Variants in SEMA3F observed in about 807,000 individuals in gnomAD.
SEMA3F encodes the protein semaphorin-3F.
SEMA3F carries 30 observed loss-of-function variants against 98.5 expected under a neutral mutation model. That is an observed-to-expected ratio of 0.30 (90% CI 0.23 to 0.41). The LOEUF is 0.41. Among genes scored for constraint, SEMA3F ranks in the 10% least tolerant of loss-of-function variants. The pLI, the probability that SEMA3F is intolerant of heterozygous loss-of-function variation, is 1.00. For synonymous variants in SEMA3F, 380 were observed against 444.8 expected (o/e 0.85, Z 1.83); for missense variants, 866 against 1,119.3 (o/e 0.77, Z 3.23).
intron 2 of SEMA3F, among the ~76,000 whole-genome samples, chr3:50,171,191 AGG>A (rs1339277792): frequency 1.3e-5 from 2 of 152,128 alleles, no homozygotes; most frequent in Non-Finnish European, 2.9e-5. Context: ...GCAGGCAGAG[AGG>A]GTCGAGGCCA....
At chr3:50,174,394 C>T in intron 5 of SEMA3F, 44 bp downstream of exon 5, 1 of 1,581,676 alleles carries the variant, frequency 6.3e-7, no homozygotes. Context: ...CCGCTGGTGG[C>T]TGCATCCCAG....
At chr3:50,162,526 A>G (rs1698247176) in intron 2 of SEMA3F, among the ~76,000 whole-genome samples, 1 of 152,132 alleles carries the variant, frequency 6.6e-6, no homozygotes, top group African/African-American at 2.4e-5. Context: ...TCCTTCACCC[A>G]TCCATGCCTG....
At chr3:50,172,319 C>A (rs975517914) in intron 2 of SEMA3F, among the ~76,000 whole-genome samples, 1 of 152,134 alleles carries the variant, frequency 6.6e-6, no homozygotes, top group African/African-American at 2.4e-5. Context: ...ATTCATCATC[C>A]TCATTACAGT....
rs1022627164 is a variant in SEMA3F at position 50,158,736 on chromosome 3, G to A, written c.-48-839G>A. ...GCAATATGTTCTGACAACTGGTGCTGGGCTGCGTTTACCCAACAGCCAGCC... is the reference window on the plus strand; with the variant it reads ...GCAATATGTTCTGACAACTGGTGCTAGGCTGCGTTTACCCAACAGCCAGCC... On this transcript the variant is annotated intron_variant, in intron 1 of 18. Coordinates refer to ENST00000002829, the MANE Select transcript of SEMA3F (RefSeq NM_004186.5). The surrounding 1 kb of genome is among the most constrained non-coding windows in gnomAD (Gnocchi z 4.8). 6.6e-6 allele frequency among the ~76,000 whole-genome samples: 1 copy of A among 152,218 alleles called. No homozygotes were observed. Among genetic ancestry groups the A allele is most frequent in the Non-Finnish European group, 1.5e-5 (1 of 68,034 alleles).
chr3:50,172,855 C>T (rs1256915063), intron 2 of SEMA3F, among the ~76,000 whole-genome samples: 1 of 152,130 alleles, frequency 6.6e-6, no homozygotes, highest in East Asian at 1.9e-4. Context: ...CCAGAGTCTG[C>T]CGGCTGTCCC....
At position 50,182,604 on chromosome 3, in the gene SEMA3F, CAG is replaced by C; in HGVS notation, c.764-37_764-36del. 6.2e-7 allele frequency: 1 copy of C among 1,601,080 alleles called. No homozygotes were observed. Among genetic ancestry groups the C allele is most frequent in the African/African-American group, 1.3e-5 (1 of 74,846 alleles). On this transcript the variant is annotated intron_variant, in intron 8 of 18. Transcript: ENST00000002829. This position sits in a 1 kb window ranked among gnomAD's most constrained non-coding sequence, Gnocchi z 4.5. ...TGTTGGAGAACATCAGGGGCACCATCAGAGTAGGGGCTCACCCAGCTGACCCC... is the reference window on the plus strand; with the variant it reads ...TGTTGGAGAACATCAGGGGCACCATCAGTAGGGGCTCACCCAGCTGACCCC...
intron 2 of SEMA3F, among the ~76,000 whole-genome samples, chr3:50,172,393 C>T (rs1410029033): frequency 6.6e-6 from 1 of 152,014 alleles, no homozygotes; most frequent in Admixed American, 6.5e-5. Context: ...GCCAAGGGGA[C>T]CCCTCGGCTC....
intron 2 of SEMA3F, among the ~76,000 whole-genome samples, chr3:50,167,023 C>T (rs1698431215): frequency 6.6e-6 from 1 of 152,170 alleles, no homozygotes; most frequent in Non-Finnish European, 1.5e-5. Flanking sequence ...TCCCCTCTTT[C>T]CATCCCCTTC....
Position 50,182,356 on chromosome 3 carries a change from A to G in SEMA3F, c.716A>G (p.Lys239Arg). ...TDAAIFRTLG[K>R]QTAMRTDQYN... The stretch of plus-strand genomic sequence containing the variant: ...GCAGCCATCTTCCGCACACTTGGAA[A>G]GCAGACAGCCATGCGCACGGATCAG... The change falls in exon 8 of 19, where the codon AAG (lysine) becomes AGG (arginine). Residue 239 changes from lysine to arginine, a missense_variant. Coordinates refer to ENST00000002829, the MANE Select transcript of SEMA3F (RefSeq NM_004186.5). This position sits in a 1 kb window ranked among gnomAD's most constrained non-coding sequence, Gnocchi z 4.5. 1 of 1,614,100 alleles carries G rather than the reference A, an allele frequency of 6.2e-7. No individual in the cohort carries two copies. Among genetic ancestry groups the G allele is most frequent in the South Asian group, 1.1e-5 (1 of 91,090 alleles).
chr3:50,188,012 A>G lies in SEMA3F; in HGVS notation c.2255A>G (p.His752Arg). Residue 752 changes from histidine to arginine, a missense_variant, in exon 19 of 19, where the codon CAT (histidine) becomes CGT (arginine). Transcript: ENST00000002829. This position sits in a 1 kb window ranked among gnomAD's most constrained non-coding sequence, Gnocchi z 4.5. The stretch of plus-strand genomic sequence containing the variant: ...CAGTACTGCCAGGGTTACTGGCGCC[A>G]TGTGCCCCCCAGCCCCAGGGAGGCT... ...IHQYCQGYWR[H>R]VPPSPREAPG... The G allele has an allele frequency of 6.2e-7, 1 of 1,602,672 alleles. No homozygotes were observed. Among genetic ancestry groups the G allele is most frequent in the Non-Finnish European group, 8.5e-7 (1 of 1,175,740 alleles).
In SEMA3F at chr3:50,161,264, TC is replaced by T. The variant is rs909092219; in HGVS notation, c.112+1532del. On this transcript the variant is annotated intron_variant, in intron 2 of 18. Coordinates refer to ENST00000002829, the MANE Select transcript of SEMA3F (RefSeq NM_004186.5). ...GGAGGGGCAAAACAGAGAGGGGTCT[TC>T]CGTGTGCTCCTTCTAAGCCTCCCTG... Among the ~76,000 whole-genome samples, 13 of 152,298 alleles carry T rather than the reference TC, an allele frequency of 8.5e-5. No homozygotes were observed. The South Asian group carries it at 1.9e-3, about 22-fold the overall frequency.
At chr3:50,171,382 G>T (rs1316680764) in intron 2 of SEMA3F, among the ~76,000 whole-genome samples, 1 of 152,154 alleles carries the variant, frequency 6.6e-6, no homozygotes, top group African/African-American at 2.4e-5. Context: ...GAGGCCCAAG[G>T]CTGCGCAGGG....
At chr3:50,184,233 G>A in intron 12 of SEMA3F, 1 of 305,176 alleles carries the variant, frequency 3.3e-6, no homozygotes, top group Non-Finnish European at 6.2e-6. Flanking sequence ...GGACGTCGGG[G>A]CCTGCAGTCC....
At chr3:50,185,388 G>C in intron 13 of SEMA3F, 55 bp from the exon 14 acceptor site, 1 of 1,495,192 alleles carries the variant, frequency 6.7e-7, no homozygotes, top group Non-Finnish European at 9.2e-7. Context: ...GCTGAGGCTG[G>C]TACCCCTTCC....
chr3:50,185,557 A>T, intron 14 of SEMA3F, 26 bp downstream of exon 14: 1 of 1,611,850 alleles, frequency 6.2e-7, no homozygotes, highest in Non-Finnish European at 8.5e-7. Context: ...CCCAGTCCTG[A>T]CCTCCCCACC....
At chr3:50,173,634 T>C (rs192785420) in intron 2 of SEMA3F, among the ~76,000 whole-genome samples, 159 bp from the exon 3 acceptor site, 1 of 152,152 alleles carries the variant, frequency 6.6e-6, no homozygotes, top group East Asian at 1.9e-4. Context: ...AGAGTGAGAC[T>C]TGATCTCGTA....
At chr3:50,170,986 C>T (rs1027539893) in intron 2 of SEMA3F, among the ~76,000 whole-genome samples, 1 of 152,108 alleles carries the variant, frequency 6.6e-6, no homozygotes, top group Non-Finnish European at 1.5e-5. Flanking sequence ...GACTGGCTTC[C>T]CCTGGGCCTC....
rs777065974 is a variant in SEMA3F at position 50,187,729 on chromosome 3, C to T, written c.1972C>T (p.Arg658Cys). The T allele has an allele frequency of 1.2e-5, 19 of 1,601,248 alleles. No homozygotes were observed. The highest frequency in any genetic ancestry group is 6.7e-5 in the East Asian group (3 of 44,550). The stretch of plus-strand genomic sequence containing the variant: ...GATTCGTGCAGAGGACCGCTTCCTG[C>T]GCACAGAGCAGGGCTTGTTGCTCCG... ...REIRAEDRFL[R>C]TEQGLLLRAL... Residue 658 changes from arginine (R) to cysteine (C), a missense_variant, in exon 19 of 19, where the codon CGC (arginine) becomes TGC (cysteine). Coordinates refer to ENST00000002829, the MANE Select transcript of SEMA3F (RefSeq NM_004186.5).
Position 50,174,356 on chromosome 3 carries a change from C to T in SEMA3F, c.456+6C>T, listed in dbSNP as rs1698727167. 3.1e-6 allele frequency: 5 copies of T among 1,608,938 alleles called. No individual in the cohort carries two copies. The highest frequency in any genetic ancestry group is 2.2e-5 in the South Asian group (2 of 90,642). On this transcript the variant is annotated splice_donor_region_variant and intron_variant, in intron 5 of 18. Coordinates refer to ENST00000002829, the MANE Select transcript of SEMA3F (RefSeq NM_004186.5). ...ACCGCGGACGCCGCGCCCAGGTAAG[C>T]CCCAGCCACCCTGGCCCTGTGCTGC...
Sources: allele counts gnomAD v4.1 joint callset (sites outside exome capture counted in the v4.1 genomes callset), GRCh38; gene constraint gnomAD v4.1.1; non-coding constraint Gnocchi (gnomAD v3.1); transcripts MANE v1.5; gene names NCBI Gene and HGNC (gene_info 2026-07-23, HGNC 2026-07-21).